Variants in SLF2 observed in about 807,000 individuals in gnomAD.
The protein encoded by SLF2 is SMC5/6 complex localization factor 2.
SLF2 carries 68 observed loss-of-function variants against 124.3 expected under a neutral mutation model. The ratio of observed to expected loss-of-function variants is 0.55; its 90% CI spans 0.45 to 0.67. The LOEUF (loss-of-function observed/expected upper bound fraction) is 0.67. SLF2 is among the 30% of genes least tolerant of loss of function. The pLI, the probability that SLF2 is intolerant of heterozygous loss-of-function variation, is 0.00. For missense variants in SLF2, 1,246 were observed against 1,373.7 expected (o/e 0.91, Z 1.47); for synonymous variants, 480 against 478.8 (o/e 1.00, Z -0.03).
intron 4 of SLF2, among the ~76,000 whole-genome samples, chr10:100,922,250 G>A (rs991518260): frequency 4.6e-5 from 7 of 152,056 alleles, no homozygotes; most frequent in Non-Finnish European, 1.0e-4. Context: ...GCTAATTTTT[G>A]TATTTTTTGT....
At chr10:100,941,964 T>C (rs1849990106) in intron 11 of SLF2, among the ~76,000 whole-genome samples, 1 of 152,180 alleles carries the variant, frequency 6.6e-6, no homozygotes, top group Non-Finnish European at 1.5e-5. Context: ...CATTGCTAAG[T>C]GAGAAAAGGA....
rs564366944 is a variant in SLF2 at position 100,927,946 on chromosome 10, G to A, written c.2043-1371G>A. ...TGTTTTTAATTGGCTTGTTTGGTGG[G>A]TGGGGCGGTTCACACAGGTAGAATT... On this transcript the variant is annotated intron_variant, in intron 6 of 19. Transcript: ENST00000238961. Among the ~76,000 whole-genome samples the A allele has an allele frequency of 4.6e-5, 7 of 151,338 alleles. No homozygotes were observed. In the South Asian group the frequency reaches 1.5e-3, roughly 32 times the overall value.
At chr10:100,939,774 T>C (rs1423168623) in intron 11 of SLF2, among the ~76,000 whole-genome samples, 1 of 151,422 alleles carries the variant, frequency 6.6e-6, no homozygotes, top group Admixed American at 6.6e-5. Context: ...AGGAAATGAA[T>C]AGACTGATCA....
At chr10:100,913,713 G>A (rs1404445657) in intron 1 of SLF2, 1 of 992,978 alleles carries the variant, frequency 1.0e-6, no homozygotes, top group African/African-American at 1.7e-5. Flanking sequence ...GTGCACGCTA[G>A]TTCATACTTA....
intron 1 of SLF2, chr10:100,913,820 T>G: frequency 3.0e-6 from 3 of 985,600 alleles, no homozygotes; most frequent in Non-Finnish European, 3.6e-6. Flanking sequence ...TTGTGGGAGC[T>G]ATGTAATGAG....
chr10:100,918,736 A>G (rs570235525), intron 4 of SLF2, among the ~76,000 whole-genome samples: 2 of 151,978 alleles, frequency 1.3e-5, no homozygotes, highest in East Asian at 3.9e-4. Flanking sequence ...TGATTCTCCC[A>G]CCTCAGCTTC....
chr10:100,930,117 C>T, intron 8 of SLF2, 120 bp downstream of exon 8: 1 of 572,444 alleles, frequency 1.7e-6, no homozygotes, highest in Non-Finnish European at 2.9e-6. Context: ...TTTCCTAATC[C>T]TCTTATTACT....
At chr10:100,918,111 T>A (rs576807549) in intron 3 of SLF2, among the ~76,000 whole-genome samples, 35 of 152,328 alleles carry the variant, frequency 2.3e-4, no homozygotes, top group African/African-American at 8.2e-4. Flanking sequence ...TAATATAATA[T>A]TCTTGAATTA....
At chr10:100,925,700 G>A (rs1363971497) in intron 5 of SLF2, among the ~76,000 whole-genome samples, 1 of 152,154 alleles carries the variant, frequency 6.6e-6, no homozygotes, top group African/African-American at 2.4e-5. Context: ...TTGAGTGTTT[G>A]CAGTCACATC....
chr10:100,938,838 C>A, intron 11 of SLF2, 102 bp downstream of exon 11: 1 of 1,130,832 alleles, frequency 8.8e-7, no homozygotes, highest in Non-Finnish European at 1.2e-6. Flanking sequence ...TTAAAAAGAT[C>A]TCTCAAAGTT....
chr10:100,916,799 A>G lies in SLF2; in HGVS notation c.414A>G (p.Leu138=). 3 of 1,613,986 alleles carry G rather than the reference A, an allele frequency of 1.9e-6. No homozygotes were observed. The highest frequency in any genetic ancestry group is 2.2e-5 in the South Asian group (2 of 91,068). Residue 138 remains leucine (L), a synonymous_variant, in exon 3 of 20, where the codon CTA becomes CTG. Coordinates refer to ENST00000238961, the MANE Select transcript of SLF2 (RefSeq NM_018121.4). ...AGTCACGTCGGCCTTGTCTGTCACT[A>G]GCCTCCAAATATTTAGCCAAAGGAA... The part of the protein sequence containing the change: ...IHESRRPCLS[L]ASKYLAKGTN...
In SLF2 at chr10:100,962,665, A is replaced by G. The variant is rs909873151; in HGVS notation, c.*753A>G. On this transcript the variant is annotated 3_prime_UTR_variant, in exon 20 of 20. Coordinates refer to ENST00000238961, the MANE Select transcript of SLF2 (RefSeq NM_018121.4). ...TTTCTTTTAAATGCATGTATTTTAA[A>G]TACTGGTTAAATCTTAGAATCTTGG... The G allele has an allele frequency of 1.3e-5, 2 of 152,668 alleles. No individual in the cohort carries two copies. Among genetic ancestry groups the G allele is most frequent in the African/African-American group, 2.4e-5 (1 of 41,464 alleles). 9.5% of individuals were successfully genotyped at this position (152,668 alleles called of 1,614,324 possible).
At chr10:100,950,903 C>T (rs1205914704) in intron 17 of SLF2, 150 bp downstream of exon 17, 2 of 647,034 alleles carry the variant, frequency 3.1e-6, no homozygotes, top group Non-Finnish European at 5.4e-6. Flanking sequence ...CCATGTATAC[C>T]AGAAAGAGGG....
chr10:100,944,489 T>G (rs1318101623), intron 12 of SLF2, among the ~76,000 whole-genome samples: 2 of 113,238 alleles, frequency 1.8e-5, no homozygotes, highest in African/African-American at 6.5e-5. Context: ...AGCAAGACTC[T>G]GTCTCAAAAA....
intron 1 of SLF2, 96 bp downstream of exon 1, chr10:100,913,346 C>A: frequency 7.2e-7 from 1 of 1,381,810 alleles, no homozygotes; most frequent in Non-Finnish European, 9.4e-7. Context: ...CCGCCATCCT[C>A]CGCGAGCTCA....
intron 17 of SLF2, among the ~76,000 whole-genome samples, chr10:100,952,231 G>A (rs1265104319): frequency 1.3e-5 from 2 of 150,112 alleles, no homozygotes; most frequent in African/African-American, 2.5e-5. Flanking sequence ...GCAACAGAGC[G>A]AGACTTCATC....
intron 2 of SLF2, 104 bp downstream of exon 2, chr10:100,916,146 T>C: frequency 1.2e-6 from 1 of 812,380 alleles, no homozygotes; most frequent in Non-Finnish European, 1.9e-6. Context: ...AAACGTAGTG[T>C]TCAAAATTGA....
Position 100,956,301 on chromosome 10 carries a change from AC to A in SLF2, c.3331-149del. The A allele has an allele frequency of 1.0e-5, 6 of 573,158 alleles. No individual in the cohort carries two copies. The South Asian group carries it at 1.6e-4, about 15-fold the overall frequency. 35.5% of individuals were successfully genotyped at this position (573,158 alleles called of 1,614,324 possible). A position where few individuals can be genotyped will look rare whatever the true frequency, so the allele number is the denominator to read the frequency against. ...TGTCATGGAAGCAGCTTTCACTGAT[AC>A]AACTACTGTTACGTTGAATAGTTAA... On this transcript the variant is annotated intron_variant, in intron 17 of 19. Coordinates refer to ENST00000238961, the MANE Select transcript of SLF2 (RefSeq NM_018121.4).
chr10:100,926,168 C>A (rs540761361), intron 6 of SLF2, 149 bp downstream of exon 6: 1 of 1,553,862 alleles, frequency 6.4e-7, no homozygotes, highest in Non-Finnish European at 8.7e-7. Flanking sequence ...ATATGTTGGC[C>A]GGACGCAGTG....
Sources: allele counts gnomAD v4.1 joint callset (sites outside exome capture counted in the v4.1 genomes callset), GRCh38; gene constraint gnomAD v4.1.1; transcripts MANE v1.5; gene names NCBI Gene and HGNC (gene_info 2026-07-23, HGNC 2026-07-21).